SNTG1: variants seen among roughly 807,000 people sequenced by gnomAD.
The protein encoded by SNTG1 is syntrophin gamma 1, also known as gamma-1-syntrophin.
In SNTG1, 39 loss-of-function variants were observed where a neutral mutation model predicts 74.7. That is an observed-to-expected ratio of 0.52 (90% confidence interval 0.40 to 0.68). SNTG1 has a LOEUF of 0.68. SNTG1 is among the 30% of genes least tolerant of loss of function. The pLI is 0.00. For synonymous variants in SNTG1, 254 were observed against 217.1 expected, an observed-to-expected ratio of 1.17 and a Z score of -1.49; for missense variants, 685 against 609.5, an observed-to-expected ratio of 1.12 and a Z score of -1.30.
intron 2 of SNTG1, among the ~76,000 whole-genome samples, chr8:50,330,851 C>T (rs1478345330): frequency 6.6e-6 from 1 of 152,162 alleles, no homozygotes; most frequent in Non-Finnish European, 1.5e-5. Flanking sequence ...AACTCACTCA[C>T]TATCACAAGA....
chr8:49,961,368 G>C (rs1019547670), intron 1 of SNTG1, among the ~76,000 whole-genome samples: 1 of 152,170 alleles, frequency 6.6e-6, no homozygotes, highest in African/African-American at 2.4e-5. Flanking sequence ...CTGTGGATGA[G>C]AAACTTTTGA....
chr8:50,287,840 T>G (rs1183338463), intron 2 of SNTG1, among the ~76,000 whole-genome samples: 1 of 152,144 alleles, frequency 6.6e-6, no homozygotes, highest in Non-Finnish European at 1.5e-5. Context: ...AAAAAAATAC[T>G]TTATACAACT....
chr8:49,923,578 G>C (rs141687337), intron 1 of SNTG1, among the ~76,000 whole-genome samples: 1 of 151,974 alleles, frequency 6.6e-6, no homozygotes, highest in Admixed American at 6.6e-5. Flanking sequence ...TACATGTTAA[G>C]ACATTGAGTC....
At chr8:50,266,676 G>GTATA (rs1407307551) in intron 2 of SNTG1, among the ~76,000 whole-genome samples, 1 of 138,146 alleles carries the variant, frequency 7.2e-6, no homozygotes, top group Non-Finnish European at 1.5e-5. Flanking sequence ...GTGTGTGTGT[G>GTATA]TGTGTGTGTA....
At chr8:50,422,641 G>T (rs942385920) in intron 4 of SNTG1, among the ~76,000 whole-genome samples, 3 of 152,082 alleles carry the variant, frequency 2.0e-5, no homozygotes, top group Non-Finnish European at 2.9e-5. Context: ...AGGTTGATCA[G>T]GTAATGTGTG....
chr8:50,032,286 C>A (rs1369943932), intron 1 of SNTG1, among the ~76,000 whole-genome samples: 1 of 151,570 alleles, frequency 6.6e-6, no homozygotes. Context: ...TTCTTCAATT[C>A]ATTATTTTAT....
intron 13 of SNTG1, among the ~76,000 whole-genome samples, chr8:50,592,738 A>G (rs140333096): frequency 1.3e-5 from 2 of 152,328 alleles, no homozygotes; most frequent in East Asian, 1.9e-4. Context: ...CCAAAATTAT[A>G]TAATTCAAAA....
At chr8:50,210,196 C>G (rs968115717) in intron 2 of SNTG1, among the ~76,000 whole-genome samples, 1 of 152,040 alleles carries the variant, frequency 6.6e-6, no homozygotes, top group African/African-American at 2.4e-5. Context: ...TAAAAAGAAA[C>G]AAACAAAGCC....
chr8:50,461,343 G>A (rs972881864), intron 8 of SNTG1, among the ~76,000 whole-genome samples: 6 of 151,992 alleles, frequency 3.9e-5, no homozygotes, highest in African/African-American at 1.4e-4. Context: ...CTGAGATAGA[G>A]TTTTTCAGAA....
At chr8:50,488,644 C>T (rs376584636) in intron 8 of SNTG1, among the ~76,000 whole-genome samples, 21 of 152,224 alleles carry the variant, frequency 1.4e-4, no homozygotes, top group African/African-American at 4.3e-4. Context: ...TGTTCCTGCC[C>T]CTTGAAAATG....
chr8:50,060,313 C>T (rs1355639197), intron 1 of SNTG1, among the ~76,000 whole-genome samples: 1 of 152,008 alleles, frequency 6.6e-6, no homozygotes, highest in African/African-American at 2.4e-5. Flanking sequence ...CATTCTATGG[C>T]TTGTCTTTCA....
Position 50,347,557 on chromosome 8 carries a change from A to G in SNTG1, c.-27-46655A>G, listed in dbSNP as rs115656356. On this transcript the variant is annotated intron_variant, in intron 2 of 18. Coordinates refer to ENST00000642720, the MANE Select transcript of SNTG1 (RefSeq NM_018967.5). ...ATGAGTAGTTTTATCTTTCAAGTCC[A>G]ATTATTTATGAAATACATTTATTAA... 1.7e-3 allele frequency among the ~76,000 whole-genome samples: 261 copies of G among 152,334 alleles called. 1 individual carries two copies. Among genetic ancestry groups the G allele is most frequent in the African/African-American group, 6.0e-3 (249 of 41,586 alleles).
intron 2 of SNTG1, among the ~76,000 whole-genome samples, chr8:50,195,864 C>T (rs550240031): frequency 2.6e-5 from 4 of 152,204 alleles, no homozygotes; most frequent in Admixed American, 6.6e-5. Flanking sequence ...TTCTTGCAGT[C>T]GGCCTGGAGC....
chr8:50,669,599 T>G (rs1430921488), intron 15 of SNTG1, among the ~76,000 whole-genome samples: 1 of 152,162 alleles, frequency 6.6e-6, no homozygotes, highest in Admixed American at 6.6e-5. Flanking sequence ...CACAGCCGAA[T>G]TCTACCAGAG....
intron 2 of SNTG1, among the ~76,000 whole-genome samples, chr8:50,277,540 T>C (rs1226484455): frequency 2.0e-5 from 3 of 152,166 alleles, no homozygotes; most frequent in Non-Finnish European, 2.9e-5. Flanking sequence ...TTGAAAATAA[T>C]ACTATTTGGC....
chr8:50,291,131 G>A (rs775865531), intron 2 of SNTG1, among the ~76,000 whole-genome samples: 1 of 152,082 alleles, frequency 6.6e-6, no homozygotes, highest in Non-Finnish European at 1.5e-5. Context: ...CAATCTTGTC[G>A]GCCTTGAAGT....
At chr8:50,078,220 CCTTTT>C (rs1459060412) in intron 1 of SNTG1, among the ~76,000 whole-genome samples, 16 of 152,120 alleles carry the variant, frequency 1.1e-4, no homozygotes, top group Admixed American at 3.3e-4. Context: ...ACATCTTCCA[CCTTTT>C]CTTTTCATTT....
chr8:50,224,930 T>C (rs1037449251), intron 2 of SNTG1, among the ~76,000 whole-genome samples: 9 of 152,184 alleles, frequency 5.9e-5, no homozygotes, highest in Non-Finnish European at 1.3e-4. Context: ...GGCTTTTTCC[T>C]GATAAAGGAA....
At chr8:50,244,200 C>T (rs1384556173) in intron 2 of SNTG1, among the ~76,000 whole-genome samples, 2 of 151,986 alleles carry the variant, frequency 1.3e-5, no homozygotes, top group Non-Finnish European at 2.9e-5. Flanking sequence ...CTTGGGAGTA[C>T]CCACTCGCTA....
Sources: allele counts gnomAD v4.1 joint callset (sites outside exome capture counted in the v4.1 genomes callset), GRCh38; gene constraint gnomAD v4.1.1; transcripts MANE v1.5; gene names NCBI Gene and HGNC (gene_info 2026-07-23, HGNC 2026-07-21).